APOOL: variants seen among roughly 807,000 people sequenced by gnomAD.
APOOL encodes MICOS complex subunit MIC27.
Under a neutral mutation model 23.1 loss-of-function variants are expected in APOOL, and 12 were observed. The observed-to-expected ratio is 0.52, with a 90% CI of 0.33 to 0.84. APOOL has a LOEUF of 0.84. Ranked by LOEUF, APOOL falls within the 40% of genes least tolerant of loss-of-function variation. The probability of loss-of-function intolerance (pLI) is 0.02; values close to 1 mark genes in which losing one functional copy is unlikely to be tolerated. For missense variants in APOOL, 212 were observed against 199.6 expected, an observed-to-expected ratio of 1.06 and a Z score of -0.37; for synonymous variants, 77 against 69.9, an observed-to-expected ratio of 1.10 and a Z score of -0.51.
chrX:85,009,180 T>C (rs1051964854), intron 1 of APOOL, among the ~76,000 whole-genome samples: 7 of 111,865 alleles, frequency 6.3e-5, no homozygotes, highest in African/African-American at 2.3e-4. Flanking sequence ...CTATGTATAA[T>C]ATCATGTAAT....
In APOOL at chrX:85,087,832, TACATAAGTGGTTAAC is replaced by T; in HGVS notation, c.*158_*172del. 2.3e-6 allele frequency: 1 copy of T among 440,555 alleles called. No individual in the cohort carries two copies. The highest frequency in any genetic ancestry group is 4.1e-5 in the East Asian group (1 of 24,165). The allele number at this position is 440,555 out of a possible 1,213,427, so 36.3% of individuals were successfully genotyped here. ...TTTCCAAATATGCCATTTGATAAAT[TACATAAGTGGTTAAC>T]ACACAAACTGTGAATGCAGTGTAAA... On this transcript the variant is annotated 3_prime_UTR_variant, in exon 9 of 9. Coordinates refer to ENST00000373173, the MANE Select transcript of APOOL (RefSeq NM_198450.6).
intron 1 of APOOL, among the ~76,000 whole-genome samples, chrX:85,045,483 T>A (rs1471725451): frequency 8.9e-6 from 1 of 112,034 alleles, no homozygotes; most frequent in Non-Finnish European, 1.9e-5. Flanking sequence ...AGCCAGTGAT[T>A]CTTCCAGGTG....
intron 8 of APOOL, among the ~76,000 whole-genome samples, chrX:85,077,328 A>G (rs1233949383): frequency 6.5e-5 from 7 of 107,630 alleles, no homozygotes; most frequent in African/African-American, 2.4e-4. Context: ...TCATTGTTCA[A>G]TTCCCACCTA....
intron 8 of APOOL, among the ~76,000 whole-genome samples, chrX:85,087,158 G>T (rs995430830): frequency 1.8e-5 from 2 of 109,993 alleles, no homozygotes. Context: ...CTGCCTTGCC[G>T]CCACCCCTAC....
chrX:85,033,814 G>C (rs745586229), intron 1 of APOOL, among the ~76,000 whole-genome samples: 1 of 111,781 alleles, frequency 8.9e-6, no homozygotes, highest in Admixed American at 9.5e-5. Context: ...TTTCCATCAT[G>C]CATTTGTAGC....
At chrX:85,062,218 G>A (rs1923256156) in intron 5 of APOOL, among the ~76,000 whole-genome samples, 1 of 110,606 alleles carries the variant, frequency 9.0e-6, no homozygotes, top group South Asian at 3.9e-4. Context: ...GGGGTTCTTA[G>A]TTTTTTTTCT....
intron 5 of APOOL, among the ~76,000 whole-genome samples, chrX:85,059,654 T>C (rs1410681542): frequency 9.1e-6 from 1 of 109,883 alleles, no homozygotes; most frequent in Non-Finnish European, 1.9e-5. Context: ...TTTCATGTGT[T>C]TTTTGGCTGC....
intron 1 of APOOL, among the ~76,000 whole-genome samples, chrX:85,021,840 CAT>C (rs1396569177): frequency 9.0e-6 from 1 of 111,470 alleles, no homozygotes; most frequent in African/African-American, 3.3e-5. Context: ...GAAAAGATAA[CAT>C]AGATAAACCT....
chrX:85,047,921 A>C (rs1033752153), intron 2 of APOOL, among the ~76,000 whole-genome samples: 4 of 111,841 alleles, frequency 3.6e-5, no homozygotes, highest in Non-Finnish European at 7.5e-5. Flanking sequence ...ATTCTGCTGT[A>C]TGAATGTACT....
intron 1 of APOOL, among the ~76,000 whole-genome samples, chrX:85,022,327 A>G (rs367882779): frequency 2.0e-4 from 23 of 112,326 alleles, no homozygotes; most frequent in African/African-American, 5.2e-4. Flanking sequence ...CTTAGATGCA[A>G]AAGTCTTCAA....
chrX:85,021,056 A>C (rs896780787), intron 1 of APOOL, among the ~76,000 whole-genome samples: 1 of 112,072 alleles, frequency 8.9e-6, no homozygotes, highest in African/African-American at 3.2e-5. Context: ...TCCACTCCTT[A>C]GCACCCTTAG....
chrX:85,030,558 C>T (rs750481980), intron 1 of APOOL, among the ~76,000 whole-genome samples: 1 of 111,267 alleles, frequency 9.0e-6, no homozygotes, highest in Non-Finnish European at 1.9e-5. Context: ...GTATACACCA[C>T]GGAATACTAC....
At chrX:85,039,520 C>G (rs771642267) in intron 1 of APOOL, among the ~76,000 whole-genome samples, 1 of 111,194 alleles carries the variant, frequency 9.0e-6, no homozygotes, top group East Asian at 2.8e-4. Flanking sequence ...AGGTTTCCCA[C>G]TGTTATTGTC....
intron 1 of APOOL, among the ~76,000 whole-genome samples, chrX:85,030,156 C>T (rs936559815): frequency 4.6e-5 from 5 of 109,826 alleles, no homozygotes; most frequent in African/African-American, 1.4e-4. Context: ...ATATATACAG[C>T]ATGGAATACT....
intron 4 of APOOL, among the ~76,000 whole-genome samples, chrX:85,054,820 T>C (rs1189431303): frequency 9.0e-6 from 1 of 111,625 alleles, no homozygotes; most frequent in Non-Finnish European, 1.9e-5. Flanking sequence ...TCATAAAGCA[T>C]AAATTAAAAA....
At chrX:85,057,662 GAT>G (rs749973148) in intron 5 of APOOL, among the ~76,000 whole-genome samples, 3 of 105,610 alleles carry the variant, frequency 2.8e-5, no homozygotes, top group African/African-American at 1.0e-4. Context: ...CTGAATGGAT[GAT>G]ATATATATCT....
rs1048824898 is a variant in APOOL at position 85,046,506 on chromosome X, G to A, written c.76G>A (p.Ala26Thr). ...LIYASVSVHA[A>T]KQEESKKQLV... The stretch of plus-strand genomic sequence containing the variant: ...ATATGCATCTGTAAGTGTACATGCA[G>A]CCAAACAAGAGGAATCCAAAAAGCA... Residue 26 changes from alanine (A) to threonine (T), a missense_variant, in exon 2 of 9, where the codon GCC becomes ACC. By Grantham distance (58) the Ala-to-Thr change is moderately conservative. Coordinates refer to ENST00000373173, the MANE Select transcript of APOOL (RefSeq NM_198450.6). 2 of 1,209,622 alleles carry A rather than the reference G, an allele frequency of 1.7e-6. No homozygotes were observed. The highest frequency in any genetic ancestry group is 2.2e-5 in the Admixed American group (1 of 45,750).
At chrX:85,043,502 A>G (rs920083605) in intron 1 of APOOL, among the ~76,000 whole-genome samples, 1 of 106,710 alleles carries the variant, frequency 9.4e-6, no homozygotes, top group Non-Finnish European at 1.9e-5. Flanking sequence ...CTTTGTTTTT[A>G]CAAATCTTTA....
intron 5 of APOOL, among the ~76,000 whole-genome samples, chrX:85,061,624 C>T (rs1400729407): frequency 2.7e-5 from 3 of 111,307 alleles, no homozygotes; most frequent in South Asian, 3.8e-4. Context: ...ATGTATGGGT[C>T]GAGGAATTTA....
Sources: allele counts gnomAD v4.1 joint callset (sites outside exome capture counted in the v4.1 genomes callset), GRCh38; gene constraint gnomAD v4.1.1; transcripts MANE v1.5; gene names NCBI Gene and HGNC (gene_info 2026-07-23, HGNC 2026-07-21).